The following CENPA variants were observed in gnomAD, a reference collection of about 807,000 sequenced individuals.
CENPA encodes centromere protein A, also known as histone H3-like centromeric protein A.
In CENPA, 7 loss-of-function variants were observed where a neutral mutation model predicts 17.2. The ratio of observed to expected loss-of-function variants is 0.41; its 90% CI spans 0.23 to 0.76. The LOEUF is 0.76. CENPA is among the 30% of genes least tolerant of loss of function. The pLI is 0.34. For missense variants in CENPA, 149 were observed against 193.1 expected (o/e 0.77, Z 1.35); for synonymous variants, 82 against 77.4 (o/e 1.06, Z -0.31).
intron 1 of CENPA, among the ~76,000 whole-genome samples, chr2:26,786,499 A>G (rs890218996): frequency 2.6e-5 from 4 of 152,252 alleles, no homozygotes; most frequent in Admixed American, 2.0e-4. Context: ...GGACCGGCTT[A>G]GCCACTTGGC....
At chr2:26,787,524 G>A (rs1364552037) in intron 1 of CENPA, among the ~76,000 whole-genome samples, 1 of 150,116 alleles carries the variant, frequency 6.7e-6, no homozygotes, top group Admixed American at 6.6e-5. Flanking sequence ...CGGCTTTTTG[G>A]TTTTTTGTTG....
intron 2 of CENPA, chr2:26,792,457 GT>G (rs968260958): frequency 1.4e-6 from 1 of 710,972 alleles, no homozygotes; most frequent in African/African-American, 1.8e-5. Flanking sequence ...TAAAACTGTA[GT>G]TTTTGACTGT....
rs551810660 is a variant in CENPA, at chr2:26,790,615, C to A, written c.101-1516C>A. ...TGCTGGGATTACAGGCGTGAGCCAC[C>A]GCACCCAGCCCTATGTCTGTTTATT... On this transcript the variant is annotated intron_variant, in intron 1 of 4. Transcript: ENST00000335756. Among the ~76,000 whole-genome samples, 6 of 152,336 alleles carry A rather than the reference C, an allele frequency of 3.9e-5. No homozygotes were observed. In the East Asian group the frequency reaches 1.2e-3, roughly 29 times the overall value.
rs1452121218 is a variant in CENPA at position 26,794,273 on chromosome 2, T to A, written c.*509T>A. 6.6e-6 allele frequency: 1 copy of A among 152,254 alleles called. No individual in the cohort carries two copies. The highest frequency in any genetic ancestry group is 2.4e-5 in the African/African-American group (1 of 41,474). The allele number at this position is 152,254 out of a possible 1,614,324, so 9.4% of individuals were successfully genotyped here. A position where few individuals can be genotyped will look rare whatever the true frequency, so the allele number is the denominator to read the frequency against. On this transcript the variant is annotated 3_prime_UTR_variant, in exon 5 of 5. Coordinates refer to ENST00000335756, the MANE Select transcript of CENPA (RefSeq NM_001809.4). ...TTTCCATCATATAGACCTCTGCCCT[T>A]CAGAGTAGCCTCACCATTAGTGGCA...
chr2:26,792,504 C>A, intron 2 of CENPA: 2 of 712,748 alleles, frequency 2.8e-6, no homozygotes, highest in South Asian at 3.0e-5. Context: ...CACCTTAGAT[C>A]CCTTTTCCTA....
chr2:26,786,076 C>T lies in CENPA; in HGVS notation c.-121C>T, dbSNP rs1664502194. ...GGCGCGGACTTCTGCCAAGCACCGG[C>T]TCATGTGAGGCTCGCGGCACAGCGT... On this transcript the variant is annotated 5_prime_UTR_variant, in exon 1 of 5. Transcript: ENST00000335756. 1.6e-6 allele frequency: 2 copies of T among 1,260,328 alleles called. No individual in the cohort carries two copies. Among genetic ancestry groups the T allele is most frequent in the Non-Finnish European group, 2.0e-6 (2 of 996,746 alleles). The allele number at this position is 1,260,328 out of a possible 1,614,324, so 78.1% of individuals were successfully genotyped here. A position where few individuals can be genotyped will look rare whatever the true frequency, so the allele number is the denominator to read the frequency against.
chr2:26,789,626 C>T (rs2196151), intron 1 of CENPA, among the ~76,000 whole-genome samples: 42,170 of 151,810 alleles, frequency 0.28, 6,434 homozygotes, highest in Non-Finnish European at 0.34. Context: ...TGGTTACTCC[C>T]CTCCAGCCCC....
chr2:26,788,082 G>A (rs187265489), intron 1 of CENPA, among the ~76,000 whole-genome samples: 2 of 152,240 alleles, frequency 1.3e-5, no homozygotes, highest in East Asian at 1.9e-4. Flanking sequence ...TTCTACTCCT[G>A]GTTAAATGGA....
chr2:26,790,178 T>G (rs1193011050), intron 1 of CENPA, among the ~76,000 whole-genome samples: 1 of 152,190 alleles, frequency 6.6e-6, no homozygotes, highest in African/African-American at 2.4e-5. Context: ...CTCAATTTCC[T>G]CTGGTATTGG....
rs747069278 is a variant in CENPA at position 26,792,842 on chromosome 2, G to C, written c.288+9G>C. ...TATTGGCCCTACAAGAGGTAAGAAGGCACCAAGGCACAATTGGGTGAGGGC... is the reference window on the plus strand; with the variant it reads ...TATTGGCCCTACAAGAGGTAAGAAGCCACCAAGGCACAATTGGGTGAGGGC... On this transcript the variant is annotated intron_variant, in intron 3 of 4. Coordinates refer to ENST00000335756, the MANE Select transcript of CENPA (RefSeq NM_001809.4). The C allele has an allele frequency of 1.9e-6, 3 of 1,613,298 alleles. No homozygotes were observed. The highest frequency in any genetic ancestry group is 2.2e-5 in the East Asian group (1 of 44,878).
At chr2:26,790,802 T>C (rs1285654858) in intron 1 of CENPA, among the ~76,000 whole-genome samples, 1 of 151,616 alleles carries the variant, frequency 6.6e-6, no homozygotes, top group Non-Finnish European at 1.5e-5. Context: ...CACCCAGGGA[T>C]GGTCTCCTCT....
intron 3 of CENPA, 40 bp from the exon 4 acceptor site, chr2:26,793,105 C>T (rs369888622): frequency 1.1e-5 from 18 of 1,611,276 alleles, no homozygotes; most frequent in Non-Finnish European, 1.2e-5. Context: ...CAGCCCGTGG[C>T]CCTTCATCTG....
chr2:26,790,797 A>G (rs1664601644), intron 1 of CENPA, among the ~76,000 whole-genome samples: 1 of 151,936 alleles, frequency 6.6e-6, no homozygotes, highest in Non-Finnish European at 1.5e-5. Context: ...AGCCTCACCC[A>G]GGGATGGTCT....
At position 26,793,265 on chromosome 2, in the gene CENPA, G is replaced by A. The variant is rs1486812908; in HGVS notation, c.409G>A (p.Glu137Lys). Residue 137 changes from glutamate (E) to lysine (K), a missense_variant, in exon 4 of 5, where the codon GAG becomes AAG. By Grantham distance (56) the Glu-to-Lys change is moderately conservative (BLOSUM62 1). Around this residue, in one of 2 missense-constraint regions of CENPA, gnomAD observed 54 missense variants for 105.7 expected, o/e 0.51. Transcript: ENST00000335756. Reference protein sequence around the residue: ...QLARRIRGLEEGLG With the variant: ...QLARRIRGLEKGLG ...GGCCCGGAGGATCCGGGGCCTTGAGGAGGGACTCGGCTGAGCTCCTGCACC... is the reference window on the plus strand; with the variant it reads ...GGCCCGGAGGATCCGGGGCCTTGAGAAGGGACTCGGCTGAGCTCCTGCACC... 2 of 1,614,028 alleles carry A rather than the reference G, an allele frequency of 1.2e-6. No homozygotes were observed. The highest frequency in any genetic ancestry group is 1.7e-6 in the Non-Finnish European group (2 of 1,180,022).
rs200749190 is a variant in CENPA at position 26,791,019 on chromosome 2, A to G, written c.101-1112A>G. Among the ~76,000 whole-genome samples, 7 of 152,314 alleles carry G rather than the reference A, an allele frequency of 4.6e-5. No homozygotes were observed. The South Asian group carries it at 1.2e-3, about 27-fold the overall frequency. The stretch of plus-strand genomic sequence containing the variant: ...GTTATTTTTGTATTTTGTTTGTTCA[A>G]CTTATCAGATGTTCACTCATCTTGA... On this transcript the variant is annotated intron_variant, in intron 1 of 4. Transcript: ENST00000335756.
At chr2:26,786,337 G>T in intron 1 of CENPA, 41 bp downstream of exon 1, 2 of 1,288,244 alleles carry the variant, frequency 1.6e-6, no homozygotes, top group Non-Finnish European at 2.0e-6. Context: ...AGAAAACCGA[G>T]GCTCGCAGGC....
chr2:26,792,940 G>A (rs1664647784), intron 3 of CENPA, 107 bp downstream of exon 3: 1 of 1,291,240 alleles, frequency 7.7e-7, no homozygotes, highest in Non-Finnish European at 1.1e-6. Flanking sequence ...CTGACCTCTG[G>A]AAAAGAACAA....
rs1013249462 is a variant in CENPA at position 26,788,670 on chromosome 2, G to GTTTTGT, written c.100+2392_100+2397dup. 1.3e-4 allele frequency among the ~76,000 whole-genome samples: 19 copies of GTTTTGT among 151,932 alleles called. No homozygotes were observed. In the East Asian group the frequency reaches 2.3e-3, roughly 19 times the overall value. On this transcript the variant is annotated intron_variant, in intron 1 of 4. Coordinates refer to ENST00000335756, the MANE Select transcript of CENPA (RefSeq NM_001809.4). ...TCTAGTATTTATGATGTTTTGTTTTGTTTTGTTTTTGTTTTTGTTTTTGAG... is the reference window on the plus strand; with the variant it reads ...TCTAGTATTTATGATGTTTTGTTTTGTTTTGTTTTTGTTTTTGTTTTTGTTTTTGAG...
At chr2:26,792,638 C>T (rs1465854072) in intron 2 of CENPA, 118 bp from the exon 3 acceptor site, 1 of 933,992 alleles carries the variant, frequency 1.1e-6, no homozygotes, top group African/African-American at 1.6e-5. Context: ...AGATTAAGAG[C>T]CAGGAAAAAA....
Sources: gnomAD v4.1 joint callset for allele counts (sites outside exome capture counted in the v4.1 genomes callset) on GRCh38, gnomAD v4.1.1 for gene constraint, gnomAD v4.1.1 regional missense constraint, MANE v1.5 for transcripts, NCBI Gene and HGNC (gene_info 2026-07-23, HGNC 2026-07-21) for gene names.